SGCD: variants seen among roughly 807,000 people sequenced by gnomAD.
SGCD encodes the protein delta-sarcoglycan.
Under a neutral mutation model 36.6 loss-of-function variants are expected in SGCD, and 18 were observed. That is an observed-to-expected ratio of 0.49 (90% CI 0.34 to 0.73). The LOEUF is 0.73. Ranked by LOEUF, SGCD falls within the 30% of genes least tolerant of loss-of-function variation. The pLI is 0.01. For missense variants in SGCD, 387 were observed against 346.7 expected, an observed-to-expected ratio of 1.12 and a Z score of -0.92; for synonymous variants, 133 against 130.6, an observed-to-expected ratio of 1.02 and a Z score of -0.12.
chr5:156,265,809 T>A (rs1401969784), intron 3 of SGCD, among the ~76,000 whole-genome samples: 1 of 152,040 alleles, frequency 6.6e-6, no homozygotes, highest in Non-Finnish European at 1.5e-5. Flanking sequence ...GCTGAATAAG[T>A]GATACAATGG....
At position 156,046,049 on chromosome 5, in the gene SGCD, T is replaced by C. The variant is rs1389012030; in HGVS notation, c.-281-71829T>C. Among the ~76,000 whole-genome samples the C allele has an allele frequency of 2.0e-5, 3 of 152,112 alleles. No homozygotes were observed. The East Asian group carries it at 5.8e-4, about 29-fold the overall frequency. Reference sequence around the variant, plus strand: ...GTTTACATGGCCCTTTTCACATCCATTGTAAAAGACATTTTATTATAATAC... The same window carrying C: ...GTTTACATGGCCCTTTTCACATCCACTGTAAAAGACATTTTATTATAATAC... On this transcript the variant is annotated intron_variant, in intron 1 of 9. Coordinates refer to the SGCD transcript ENST00000517913.
chr5:156,280,173 CA>C (rs2127672967), intron 3 of SGCD, among the ~76,000 whole-genome samples: 1 of 151,988 alleles, frequency 6.6e-6, no homozygotes, highest in East Asian at 1.9e-4. Flanking sequence ...AATTAAAAAA[CA>C]AAAAGCCACA....
intron 1 of SGCD, among the ~76,000 whole-genome samples, chr5:156,019,762 G>A (rs1420343213): frequency 1.3e-5 from 2 of 152,172 alleles, no homozygotes; most frequent in African/African-American, 4.8e-5. Flanking sequence ...TTTGCAAGAA[G>A]CCCTTTCTCA....
intron 3 of SGCD, among the ~76,000 whole-genome samples, chr5:156,419,965 G>A (rs901062693): frequency 6.6e-6 from 1 of 152,024 alleles, no homozygotes; most frequent in East Asian, 1.9e-4. Flanking sequence ...ACCAGTGGAT[G>A]GAAGAGCCTA....
At chr5:156,734,226 T>C (rs751605647) in intron 7 of SGCD, among the ~76,000 whole-genome samples, 2 of 152,212 alleles carry the variant, frequency 1.3e-5, no homozygotes, top group African/African-American at 2.4e-5. Context: ...TTCTGGCTCA[T>C]AGGGTTTCTG....
At chr5:156,272,840 G>GA (rs1248229692) in intron 3 of SGCD, among the ~76,000 whole-genome samples, 1 of 151,968 alleles carries the variant, frequency 6.6e-6, no homozygotes, top group African/African-American at 2.4e-5. Context: ...GGCTTTGTTT[G>GA]AAAAAAACAC....
chr5:156,749,299 C>T (rs1049392610), intron 7 of SGCD, among the ~76,000 whole-genome samples: 3 of 151,838 alleles, frequency 2.0e-5, no homozygotes, highest in East Asian at 1.9e-4. Context: ...TTTGGGATGC[C>T]GTCAAAGAAA....
intron 3 of SGCD, among the ~76,000 whole-genome samples, chr5:156,291,503 C>A (rs1311477388): frequency 4.6e-5 from 7 of 152,102 alleles, no homozygotes; most frequent in Admixed American, 4.6e-4. Context: ...ACAGTTTTAT[C>A]AACCGTTAGT....
chr5:155,896,531 A>T (rs992584505), intron 1 of SGCD, among the ~76,000 whole-genome samples: 2 of 151,656 alleles, frequency 1.3e-5, no homozygotes, highest in African/African-American at 4.8e-5. Flanking sequence ...TTATAGTTCC[A>T]GCTACTTGGG....
At chr5:155,898,989 G>A (rs559275321) in intron 1 of SGCD, among the ~76,000 whole-genome samples, 4 of 152,170 alleles carry the variant, frequency 2.6e-5, no homozygotes, top group African/African-American at 9.7e-5. Flanking sequence ...AGCATTCTAG[G>A]CAGAGAGACA....
At chr5:156,160,199 A>G (rs1763057592) in intron 3 of SGCD, among the ~76,000 whole-genome samples, 1 of 151,690 alleles carries the variant, frequency 6.6e-6, no homozygotes, top group South Asian at 2.1e-4. Context: ...ATATGTCATC[A>G]TCTTAAGCTA....
intron 1 of SGCD, among the ~76,000 whole-genome samples, chr5:156,032,043 C>T (rs1047388960): frequency 6.6e-6 from 1 of 152,080 alleles, no homozygotes; most frequent in African/African-American, 2.4e-5. Context: ...TCGCTGCTTA[C>T]ATATCAGTGT....
intron 3 of SGCD, among the ~76,000 whole-genome samples, chr5:156,497,473 A>G (rs1271096565): frequency 6.6e-6 from 1 of 152,136 alleles, no homozygotes; most frequent in Non-Finnish European, 1.5e-5. Flanking sequence ...TTCAAATACA[A>G]TGGCCTTGAA....
chr5:156,336,290 A>G (rs933799158), intron 2 of SGCD, among the ~76,000 whole-genome samples: 2 of 152,150 alleles, frequency 1.3e-5, no homozygotes, highest in African/African-American at 4.8e-5. Flanking sequence ...TTTCGTTCTC[A>G]GATCTCTCTG....
At chr5:155,991,780 A>T (rs1365589295) in intron 1 of SGCD, among the ~76,000 whole-genome samples, 1 of 152,126 alleles carries the variant, frequency 6.6e-6, no homozygotes, top group Non-Finnish European at 1.5e-5. Flanking sequence ...TTATTTTCTG[A>T]CTCAAGTCTC....
the SGCD span, among the ~76,000 whole-genome samples, chr5:155,728,012 C>T: frequency 2.6e-5 from 4 of 152,162 alleles, no homozygotes; most frequent in African/African-American, 9.6e-5. Flanking sequence ...CCCCCCACCC[C>T]GCCCGCGTTT....
chr5:155,895,249 T>G (rs1021072620), intron 1 of SGCD, among the ~76,000 whole-genome samples: 2 of 152,224 alleles, frequency 1.3e-5, no homozygotes, highest in Admixed American at 1.3e-4. Flanking sequence ...GGTTCAATTC[T>G]CAGGTAGGGA....
intron 3 of SGCD, among the ~76,000 whole-genome samples, chr5:156,507,828 A>G (rs1397946106): frequency 6.6e-6 from 1 of 152,236 alleles, no homozygotes; most frequent in Non-Finnish European, 1.5e-5. Flanking sequence ...GTAGCAAACA[A>G]TTGCTGTAAG....
chr5:156,547,439 G>GA (rs1435462250), intron 4 of SGCD, among the ~76,000 whole-genome samples: 338 of 132,222 alleles, frequency 2.6e-3, no homozygotes, highest in African/African-American at 0.011. Context: ...ATGATAATAT[G>GA]ACTTTTTTTT....
Sources: allele counts gnomAD v4.1 joint callset (sites outside exome capture counted in the v4.1 genomes callset), GRCh38; gene constraint gnomAD v4.1.1; transcripts MANE v1.5; gene names NCBI Gene and HGNC (gene_info 2026-07-23, HGNC 2026-07-21).